Variants in COBLL1 observed in about 807,000 individuals in gnomAD.
The protein encoded by COBLL1 is cordon-bleu WH2 repeat protein like 1, also known as cordon-bleu protein-like 1.
In COBLL1, 50 loss-of-function variants were observed where a neutral mutation model predicts 94.8. That is an observed-to-expected ratio of 0.53 (90% CI 0.42 to 0.67). COBLL1 has a LOEUF of 0.67. Among genes scored for constraint, COBLL1 ranks in the 30% least tolerant of loss-of-function variants. COBLL1 has a pLI of 0.00. For missense variants in COBLL1, 1,362 were observed against 1,348.7 expected, an observed-to-expected ratio of 1.01 and a Z score of -0.15; for synonymous variants, 448 against 473.8, an observed-to-expected ratio of 0.95 and a Z score of 0.71.
At chr2:164,800,691 T>G in intron 2 of COBLL1, 1 of 621,914 alleles carries the variant, frequency 1.6e-6, no homozygotes. Context: ...GAAACTGCAG[T>G]ACATCCATAC....
intron 7 of COBLL1, among the ~76,000 whole-genome samples, chr2:164,707,839 A>G (rs1193747358): frequency 6.6e-6 from 1 of 152,210 alleles, no homozygotes; most frequent in Non-Finnish European, 1.5e-5. Context: ...GAACTAATTC[A>G]TAAGATATTT....
At chr2:164,723,217 A>T (rs1467263344) in intron 5 of COBLL1, 1 of 152,184 alleles carries the variant, frequency 6.6e-6, no homozygotes, top group Non-Finnish European at 1.5e-5. Context: ...TCTTGTCTCA[A>T]ATGTTAATAG....
upstream of COBLL1, chr2:164,841,925 G>C: frequency 6.7e-7 from 1 of 1,499,526 alleles, no homozygotes; most frequent in South Asian, 1.2e-5. The surrounding 1 kb of genome is among the most constrained non-coding windows in gnomAD (Gnocchi z 5.5). Flanking sequence ...CTGGGCGCTG[G>C]GGGCCTCGCT....
intron 2 of COBLL1, among the ~76,000 whole-genome samples, chr2:164,755,696 G>C (rs145720994): frequency 1.1e-3 from 174 of 152,190 alleles, no homozygotes; most frequent in African/African-American, 4.1e-3. Context: ...GGGTCATGTA[G>C]GTAATGACAG....
intron 2 of COBLL1, among the ~76,000 whole-genome samples, chr2:164,784,957 T>C (rs1688885566): frequency 6.6e-6 from 1 of 152,064 alleles, no homozygotes; most frequent in African/African-American, 2.4e-5. Context: ...GAGAGATGTT[T>C]AGGTCACGAG....
intron 2 of COBLL1, among the ~76,000 whole-genome samples, chr2:164,661,737 C>A (rs1574382941): frequency 1.3e-5 from 2 of 152,176 alleles, no homozygotes; most frequent in East Asian, 3.9e-4. Flanking sequence ...TTTGCAGATC[C>A]ATAAACTGTT....
At chr2:164,817,769 T>TAGAA (rs1684846741) in intron 2 of COBLL1, among the ~76,000 whole-genome samples, 2 of 152,136 alleles carry the variant, frequency 1.3e-5, no homozygotes, top group Non-Finnish European at 2.9e-5. Context: ...GGAAGCCACC[T>TAGAA]GGTGGCTTCC....
intron 2 of COBLL1, among the ~76,000 whole-genome samples, chr2:164,838,473 T>C (rs1683428197): frequency 6.6e-6 from 1 of 152,222 alleles, no homozygotes; most frequent in African/African-American, 2.4e-5. Context: ...ACAGAGTTAA[T>C]GGTTAAATAT....
chr2:164,692,615 G>C (rs1001291829), intron 12 of COBLL1: 1 of 421,316 alleles, frequency 2.4e-6, no homozygotes, highest in Non-Finnish European at 4.2e-6. Flanking sequence ...GGAAGCCAAA[G>C]AAGAAAAGTG....
At chr2:164,770,625 A>G (rs1190679584) in intron 2 of COBLL1, among the ~76,000 whole-genome samples, 1 of 152,182 alleles carries the variant, frequency 6.6e-6, no homozygotes, top group African/African-American at 2.4e-5. Flanking sequence ...TTTAATGTAT[A>G]AACACCGTAA....
intron 7 of COBLL1, among the ~76,000 whole-genome samples, chr2:164,715,950 G>A (rs1271524225): frequency 6.6e-6 from 1 of 152,110 alleles, no homozygotes; most frequent in Non-Finnish European, 1.5e-5. Context: ...CACCAAATGT[G>A]CCAAATGAAA....
At position 164,841,173 on chromosome 2, in the gene COBLL1, C is replaced by T; in HGVS notation, c.24G>A (p.Pro8=). ...GGGCTTACCTGGCTGGGGCGTCCTG[C>T]GGGCGCGGGGTTCGGCCGTCCATCG... MDGRTPR[P]QDAPARRKPK... The change falls in exon 2 of 14, where the codon CCG becomes CCA. Residue 8 remains proline, a synonymous_variant. Transcript: ENST00000652658. The surrounding 1 kb of genome is among the most constrained non-coding windows in gnomAD (Gnocchi z 5.5). The T allele has an allele frequency of 8.1e-7, 1 of 1,231,272 alleles. No individual in the cohort carries two copies. The highest frequency in any genetic ancestry group is 1.0e-6 in the Non-Finnish European group (1 of 988,036). The allele number at this position is 1,231,272 out of a possible 1,614,324, so 76.3% of individuals were successfully genotyped here.
At chr2:164,664,938 T>TA (rs1411510629) in intron 2 of COBLL1, among the ~76,000 whole-genome samples, 1 of 151,948 alleles carries the variant, frequency 6.6e-6, no homozygotes, top group African/African-American at 2.4e-5. Context: ...AGGGTGCCTT[T>TA]AAAAAAATAC....
chr2:164,761,234 C>T (rs1015399568), intron 2 of COBLL1: 11 of 151,516 alleles, frequency 7.3e-5, no homozygotes, highest in African/African-American at 2.5e-4. Flanking sequence ...CATGGAGAAA[C>T]CCTGTCTCTA....
intron 3 of COBLL1, among the ~76,000 whole-genome samples, chr2:164,732,822 G>A (rs1041450352): frequency 2.0e-5 from 3 of 152,310 alleles, no homozygotes; most frequent in Non-Finnish European, 2.9e-5. Flanking sequence ...TTGGGAGGCC[G>A]AGGCAGGCGG....
chr2:164,668,732 C>G (rs1377363917), intron 1 of COBLL1, among the ~76,000 whole-genome samples: 1 of 152,120 alleles, frequency 6.6e-6, no homozygotes, highest in African/African-American at 2.4e-5. Flanking sequence ...GTTATTTTCT[C>G]GTTCATGATT....
Position 164,695,363 on chromosome 2 carries a change from T to A in COBLL1, c.2029A>T (p.Ile677Phe). Residue 677 changes from isoleucine to phenylalanine, a missense_variant, in exon 12 of 14, where the codon ATT becomes TTT. Transcript: ENST00000652658. ...AGATCATCATTACCATGTGCACAAA[T>A]TGGATCTTTTACGGTAAGCGGATCT... Reference protein sequence around the residue: ...SEDPLTVKDPICAHGNDDLLP... With the variant: ...SEDPLTVKDPFCAHGNDDLLP... 1 of 1,613,924 alleles carries A rather than the reference T, an allele frequency of 6.2e-7. No homozygotes were observed.
intron 2 of COBLL1, among the ~76,000 whole-genome samples, chr2:164,806,440 CTTCT>C (rs1254844772): frequency 6.6e-6 from 1 of 152,134 alleles, no homozygotes; most frequent in East Asian, 1.9e-4. Context: ...TAGAGGATGG[CTTCT>C]TTTTCATTTT....
intron 2 of COBLL1, among the ~76,000 whole-genome samples, chr2:164,768,176 C>T (rs2105240953): frequency 6.6e-6 from 1 of 152,116 alleles, no homozygotes; most frequent in Admixed American, 6.5e-5. Context: ...CAAGTGCAGG[C>T]CAAGCAAAAG....
Sources: gnomAD v4.1 joint callset for allele counts (sites outside exome capture counted in the v4.1 genomes callset) on GRCh38, gnomAD v4.1.1 for gene constraint, Gnocchi (gnomAD v3.1) non-coding constraint, MANE v1.5 for transcripts, NCBI Gene and HGNC (gene_info 2026-07-23, HGNC 2026-07-21) for gene names.